ESRRG: variants seen among roughly 807,000 people sequenced by gnomAD.
ESRRG encodes estrogen-related receptor gamma.
Under a neutral mutation model 44.0 loss-of-function variants are expected in ESRRG, and 13 were observed. The observed-to-expected ratio is 0.30, with a 90% CI of 0.19 to 0.47. ESRRG has a LOEUF of 0.47. Among genes scored for constraint, ESRRG ranks in the 20% least tolerant of loss-of-function variants. The probability of loss-of-function intolerance (pLI) is 1.00; values close to 1 mark genes in which losing one functional copy is unlikely to be tolerated. For synonymous variants in ESRRG, 215 were observed against 214.6 expected (o/e 1.00, Z -0.02); for missense variants, 395 against 580.6 (o/e 0.68, Z 3.29).
intron 1 of ESRRG, among the ~76,000 whole-genome samples, chr1:217,133,073 A>C (rs1169206950): frequency 6.6e-6 from 1 of 152,204 alleles, no homozygotes; most frequent in Non-Finnish European, 1.5e-5. Flanking sequence ...AGGGCTCTAG[A>C]GGTCAGGCCA....
At chr1:217,012,507 C>T (rs567955864) in intron 1 of ESRRG, among the ~76,000 whole-genome samples, 1 of 152,186 alleles carries the variant, frequency 6.6e-6, no homozygotes, top group Non-Finnish European at 1.5e-5. Flanking sequence ...ATTAGAAAAC[C>T]CTTGTTTCGA....
intron 1 of ESRRG, among the ~76,000 whole-genome samples, chr1:217,052,837 T>C (rs956583646): frequency 2.6e-5 from 4 of 152,122 alleles, no homozygotes; most frequent in Non-Finnish European, 5.9e-5. Context: ...GGTTAAGAAA[T>C]CTTGCATCTT....
intron 1 of ESRRG, among the ~76,000 whole-genome samples, chr1:216,948,328 G>A (rs1398710222): frequency 4.0e-5 from 6 of 151,674 alleles, no homozygotes; most frequent in Admixed American, 2.6e-4. Context: ...AGGCAGAGGC[G>A]GGTGGATCAC....
chr1:216,538,152 T>C (rs534861259), intron 5 of ESRRG, among the ~76,000 whole-genome samples: 1 of 152,162 alleles, frequency 6.6e-6, no homozygotes, highest in Non-Finnish European at 1.5e-5. Context: ...ATTACTGCAT[T>C]GTGTCGACAC....
chr1:216,587,581 A>T (rs1345541017), intron 3 of ESRRG, among the ~76,000 whole-genome samples: 2 of 152,172 alleles, frequency 1.3e-5, no homozygotes, highest in Non-Finnish European at 2.9e-5. Context: ...ATGAATAAAT[A>T]AAAAAAGGAC....
At chr1:216,588,741 C>T (rs2057123359) in intron 3 of ESRRG, among the ~76,000 whole-genome samples, 1 of 152,100 alleles carries the variant, frequency 6.6e-6, no homozygotes, top group Non-Finnish European at 1.5e-5. Flanking sequence ...TTTGATATCT[C>T]CATTTTCCAA....
At chr1:216,971,044 G>A (rs779666430) in intron 1 of ESRRG, among the ~76,000 whole-genome samples, 3 of 152,178 alleles carry the variant, frequency 2.0e-5, no homozygotes, top group Non-Finnish European at 4.4e-5. Flanking sequence ...CAGGTGACAG[G>A]ACATTCTCTT....
chr1:216,809,094 T>C (rs2094888894), intron 2 of ESRRG, among the ~76,000 whole-genome samples: 1 of 152,144 alleles, frequency 6.6e-6, no homozygotes, highest in Non-Finnish European at 1.5e-5. Flanking sequence ...CATCAAGTTC[T>C]CATAGCAACC....
intron 2 of ESRRG, among the ~76,000 whole-genome samples, chr1:216,665,795 A>C (rs1575004525): frequency 6.6e-6 from 1 of 152,274 alleles, no homozygotes; most frequent in African/African-American, 2.4e-5. Context: ...TCCTGTACCT[A>C]ATTTTGAGCT....
rs1321634382 is a variant in ESRRG at position 216,736,204 on chromosome 1, A to G, written c.-13-58713T>C. Reference sequence around the variant, plus strand: ...TTTTTTTTTTTTTTTTTTTTTTGAGACAGAGTCTCGCTCTGTCGCTCAGGC... The same window carrying G: ...TTTTTTTTTTTTTTTTTTTTTTGAGGCAGAGTCTCGCTCTGTCGCTCAGGC... On this transcript the variant is annotated intron_variant, in intron 2 of 7. Transcript: ENST00000359162. Among the ~76,000 whole-genome samples, 199 of 122,588 alleles carry G rather than the reference A, an allele frequency of 1.6e-3. 3 individuals are homozygous for G. The highest frequency in any genetic ancestry group is 5.8e-3 in the African/African-American group (178 of 30,746). The allele number at this position is 122,588 out of a possible 152,430, so 80.4% of individuals were successfully genotyped here.
intron 3 of ESRRG, among the ~76,000 whole-genome samples, chr1:216,630,445 A>AACAC (rs59403765): frequency 0.011 from 1,549 of 146,454 alleles, 13 homozygotes; most frequent in African/African-American, 0.024. Flanking sequence ...TGTGCGTGTG[A>AACAC]ACACACACAC....
chr1:216,510,852 C>T (rs1172155117), intron 6 of ESRRG, among the ~76,000 whole-genome samples: 4 of 151,866 alleles, frequency 2.6e-5, no homozygotes, highest in African/African-American at 7.3e-5. Flanking sequence ...CCAGCCTGGG[C>T]GACAGAGCCA....
At chr1:216,850,252 G>A (rs1276753967) in intron 2 of ESRRG, among the ~76,000 whole-genome samples, 1 of 152,026 alleles carries the variant, frequency 6.6e-6, no homozygotes. Flanking sequence ...GAAAATATTT[G>A]TTAAATGACA....
chr1:216,536,910 A>G (rs2051142687), intron 5 of ESRRG, among the ~76,000 whole-genome samples: 2 of 151,984 alleles, frequency 1.3e-5, no homozygotes, highest in Non-Finnish European at 2.9e-5. Flanking sequence ...ATACAAAACT[A>G]TGAGGGAAAA....
chr1:216,933,435 G>T (rs191145414), intron 2 of ESRRG, among the ~76,000 whole-genome samples: 1 of 141,304 alleles, frequency 7.1e-6, no homozygotes, highest in Admixed American at 7.0e-5. Flanking sequence ...GCTCTCAAAT[G>T]AAAAAAAAAA....
chr1:216,644,102 A>T (rs2150951080), intron 3 of ESRRG, among the ~76,000 whole-genome samples: 1 of 152,256 alleles, frequency 6.6e-6, no homozygotes. Context: ...AAACTCTCTG[A>T]CCTTGGGTTC....
chr1:216,817,236 T>A (rs1211178171), intron 2 of ESRRG, among the ~76,000 whole-genome samples: 1 of 152,158 alleles, frequency 6.6e-6, no homozygotes, highest in Non-Finnish European at 1.5e-5. Context: ...AGCTACCAGA[T>A]GCAAATGAAC....
At chr1:216,825,117 T>C (rs1378121265) in intron 2 of ESRRG, among the ~76,000 whole-genome samples, 1 of 152,136 alleles carries the variant, frequency 6.6e-6, no homozygotes, top group East Asian at 1.9e-4. Context: ...ATTTCAGTAA[T>C]GGTGAGCCCT....
At chr1:216,575,455 C>T (rs2061528504) in intron 3 of ESRRG, among the ~76,000 whole-genome samples, 1 of 152,098 alleles carries the variant, frequency 6.6e-6, no homozygotes, top group African/African-American at 2.4e-5. Flanking sequence ...TCAATTTGTG[C>T]ATGAAGTATC....
Sources: gnomAD v4.1 joint callset for allele counts (sites outside exome capture counted in the v4.1 genomes callset) on GRCh38, gnomAD v4.1.1 for gene constraint, MANE v1.5 for transcripts, NCBI Gene and HGNC (gene_info 2026-07-23, HGNC 2026-07-21) for gene names.